RMDN2: variants seen among roughly 807,000 people sequenced by gnomAD.
RMDN2 encodes the protein regulator of microtubule dynamics protein 2.
In RMDN2, 61 loss-of-function variants were observed where a neutral mutation model predicts 52.8. That is an observed-to-expected ratio of 1.16 (90% CI 0.94 to 1.43). The LOEUF (loss-of-function observed/expected upper bound fraction) is 1.43, where lower values mean the gene tolerates loss of function less well. Ranked by LOEUF, RMDN2 falls within the 40% of genes most tolerant of loss-of-function variation. RMDN2 has a pLI of 0.00. For synonymous variants in RMDN2, 180 were observed against 153.1 expected (o/e 1.18, Z -1.30); for missense variants, 592 against 475.3 (o/e 1.25, Z -2.28).
intron 5 of RMDN2, among the ~76,000 whole-genome samples, chr2:37,983,765 A>G (rs1356854960): frequency 1.3e-5 from 2 of 152,052 alleles, no homozygotes; most frequent in South Asian, 2.1e-4. Context: ...ATTCTGCTGG[A>G]CTCTCTTTAA....
chr2:37,980,954 G>A (rs1206762547), intron 4 of RMDN2, among the ~76,000 whole-genome samples: 1 of 152,176 alleles, frequency 6.6e-6, no homozygotes, highest in African/African-American at 2.4e-5. Flanking sequence ...TGTTTGAATG[G>A]AATACAGAAA....
At position 38,004,285 on chromosome 2, in the gene RMDN2, C is replaced by G. The variant is rs148160003; in HGVS notation, c.1179+69C>G. 2.9e-4 allele frequency: 288 copies of G among 1,003,642 alleles called. 3 individuals are homozygous for G. In the East Asian group the frequency reaches 6.8e-3, roughly 24 times the overall value. 62.2% of individuals were successfully genotyped at this position (1,003,642 alleles called of 1,614,324 possible). On this transcript the variant is annotated intron_variant, in intron 10 of 10. Transcript: ENST00000354545. ...CTATTCGAGCTCAAAACAGGAATAACTCGCTTAGATACATTTGTAGTTTTC... is the reference window on the plus strand; with the variant it reads ...CTATTCGAGCTCAAAACAGGAATAAGTCGCTTAGATACATTTGTAGTTTTC...
At chr2:37,988,140 G>C (rs1381093784) in intron 5 of RMDN2, among the ~76,000 whole-genome samples, 1 of 152,176 alleles carries the variant, frequency 6.6e-6, no homozygotes, top group South Asian at 2.1e-4. Flanking sequence ...TTTCTGCTCA[G>C]TTTTGCTGAG....
At chr2:37,998,154 C>G (rs1237429803) in intron 8 of RMDN2, 4 of 152,118 alleles carry the variant, frequency 2.6e-5, no homozygotes, top group African/African-American at 7.2e-5. Context: ...ATCCCTTTAC[C>G]TTTCTCTGGA....
In RMDN2 at chr2:38,007,209, G is replaced by A. The variant is rs1677232621; in HGVS notation, c.1179+2993G>A. ...TGCCAGGCTTTGGTATCAGGATGATGCTGGCCTCATAAAATGAGTTAGGGA... is the reference window on the plus strand; with the variant it reads ...TGCCAGGCTTTGGTATCAGGATGATACTGGCCTCATAAAATGAGTTAGGGA... On this transcript the variant is annotated intron_variant, in intron 10 of 10. Transcript: ENST00000354545. Among the ~76,000 whole-genome samples, 2 of 152,178 alleles carry A rather than the reference G, an allele frequency of 1.3e-5. 1 individual carries two copies. The highest frequency in any genetic ancestry group is 4.1e-4 in the South Asian group (2 of 4,828).
At chr2:38,055,082 A>C (rs930294127) in intron 10 of RMDN2, among the ~76,000 whole-genome samples, 8 of 152,126 alleles carry the variant, frequency 5.3e-5, no homozygotes, top group African/African-American at 1.9e-4. Flanking sequence ...TATATCTCTG[A>C]GATGTCTTTC....
At chr2:38,041,103 G>T (rs1370569884) in intron 10 of RMDN2, among the ~76,000 whole-genome samples, 1 of 152,122 alleles carries the variant, frequency 6.6e-6, no homozygotes, top group Non-Finnish European at 1.5e-5. Context: ...GGAGGTTTGG[G>T]TTCATTTTGG....
At chr2:38,033,415 G>T (rs1419561183) in intron 10 of RMDN2, among the ~76,000 whole-genome samples, 2 of 152,204 alleles carry the variant, frequency 1.3e-5, no homozygotes, top group African/African-American at 4.8e-5. Flanking sequence ...GAACATTGTT[G>T]TTGGAAGGGG....
At chr2:37,962,539 C>T (rs558246098) in intron 2 of RMDN2, among the ~76,000 whole-genome samples, 27 of 152,242 alleles carry the variant, frequency 1.8e-4, no homozygotes, top group African/African-American at 6.3e-4. Flanking sequence ...GACGCCCCTC[C>T]CCCACCAAGC....
chr2:37,924,967 G>T (rs919756460), upstream of RMDN2, among the ~76,000 whole-genome samples: 2 of 152,236 alleles, frequency 1.3e-5, no homozygotes, highest in Non-Finnish European at 2.9e-5. Context: ...TTAACTAGGG[G>T]AGAGGGAGTG....
rs2125261632 is a variant in RMDN2, at chr2:38,023,537, A to G, written c.1713+19321A>G. Among the ~76,000 whole-genome samples, 6 of 152,250 alleles carry G rather than the reference A, an allele frequency of 3.9e-5. No homozygotes were observed. The Middle Eastern group carries it at 0.02, about 518-fold the overall frequency. ...TTTTCCTTCCCCTCCTCCACAAGATAAGGTAGTGAAGCCTGTTTTTAATGA... is the reference window on the plus strand; with the variant it reads ...TTTTCCTTCCCCTCCTCCACAAGATGAGGTAGTGAAGCCTGTTTTTAATGA... On this transcript the variant is annotated intron_variant, in intron 10 of 10. Transcript: ENST00000234195.
rs146547171 is a variant in RMDN2 at position 38,045,486 on chromosome 2, C to T, written c.1714-21496C>T. ...ATCTCACCTAATCTTTAAAAAGGAG[C>T]AGGCAACTTCTTCCTCACCTTTTAG... On this transcript the variant is annotated intron_variant, in intron 10 of 10. Coordinates refer to the RMDN2 transcript ENST00000234195. Among the ~76,000 whole-genome samples, 621 of 152,286 alleles carry T rather than the reference C, an allele frequency of 4.1e-3. 2 individuals carry two copies. The highest frequency in any genetic ancestry group is 6.1e-3 in the Non-Finnish European group (416 of 68,018).
chr2:37,981,491 T>G (rs982630757), intron 5 of RMDN2, 148 bp downstream of exon 5: 2 of 572,898 alleles, frequency 3.5e-6, no homozygotes, highest in Admixed American at 6.5e-5. Flanking sequence ...TAACTGTTCT[T>G]ATTCTGTTTA....
chr2:38,062,280 CTT>C (rs929555833), intron 10 of RMDN2, among the ~76,000 whole-genome samples: 1 of 152,230 alleles, frequency 6.6e-6, no homozygotes, highest in Non-Finnish European at 1.5e-5. Context: ...CATCATGACA[CTT>C]TTGTCTCTCA....
chr2:37,964,455 G>C (rs1014238370), intron 2 of RMDN2, among the ~76,000 whole-genome samples: 1 of 152,170 alleles, frequency 6.6e-6, no homozygotes, highest in African/African-American at 2.4e-5. Flanking sequence ...TTGTTTAAAA[G>C]TATGTTTTTT....
chr2:38,017,867 G>T (rs1679017937), downstream of RMDN2: 1 of 183,954 alleles, frequency 5.4e-6, no homozygotes, highest in Admixed American at 6.1e-5. Flanking sequence ...GAAGGTAAGG[G>T]TGGGGCCATT....
At chr2:37,950,269 C>T (rs887375159) in intron 2 of RMDN2, 1 of 498,854 alleles carries the variant, frequency 2.0e-6, no homozygotes, top group Non-Finnish European at 3.7e-6. Flanking sequence ...ATGTTATTGT[C>T]CTTATCCAGC....
intron 10 of RMDN2, among the ~76,000 whole-genome samples, chr2:38,027,751 A>G (rs778182572): frequency 1.3e-5 from 2 of 152,192 alleles, no homozygotes; most frequent in Non-Finnish European, 2.9e-5. Flanking sequence ...TATTTATACA[A>G]CCCACCTAAT....
At position 37,997,437 on chromosome 2, in the gene RMDN2, G is replaced by C; in HGVS notation, c.967G>C (p.Glu323Gln). 1 of 1,613,358 alleles carries C rather than the reference G, an allele frequency of 6.2e-7. No homozygotes were observed. Among genetic ancestry groups the C allele is most frequent in the Non-Finnish European group, 8.5e-7 (1 of 1,179,472 alleles). Reference protein sequence around the residue: ...CYTVSKLSWIEKKMAATLFGK... With the variant: ...CYTVSKLSWIQKKMAATLFGK... ...GCAGGTCTCAAAACTGAGCTGGATT[G>C]AGAAAAAAATGGCTGCTACTCTGTT... Residue 323 changes from glutamate (E) to glutamine (Q), a missense_variant, in exon 8 of 11, where the codon GAG becomes CAG. By Grantham distance (29) the Glu-to-Gln change is conservative. Transcript: ENST00000354545.
Sources: allele counts gnomAD v4.1 joint callset (sites outside exome capture counted in the v4.1 genomes callset), GRCh38; gene constraint gnomAD v4.1.1; transcripts MANE v1.5; gene names NCBI Gene and HGNC (gene_info 2026-07-23, HGNC 2026-07-21).